ARNT2: variants seen among roughly 807,000 people sequenced by gnomAD.
ARNT2 encodes ARNT protein 2.
Under a neutral mutation model 91.7 loss-of-function variants are expected in ARNT2, and 36 were observed. The observed-to-expected ratio is 0.39, with a 90% CI of 0.30 to 0.52. The LOEUF is 0.52. ARNT2 is among the 20% of genes least tolerant of loss of function. ARNT2 has a pLI of 0.72. For missense variants in ARNT2, 775 were observed against 939.3 expected, an observed-to-expected ratio of 0.83 and a Z score of 2.29; for synonymous variants, 365 against 347.1, an observed-to-expected ratio of 1.05 and a Z score of -0.57.
At chr15:80,511,382 G>T (rs1419395693) in intron 6 of ARNT2, among the ~76,000 whole-genome samples, 1 of 152,144 alleles carries the variant, frequency 6.6e-6, no homozygotes, top group African/African-American at 2.4e-5. Flanking sequence ...TCAGAGGGTG[G>T]AGGGTGGGAG....
At chr15:80,514,905 CA>C (rs1897408959) in intron 8 of ARNT2, among the ~76,000 whole-genome samples, 1 of 151,850 alleles carries the variant, frequency 6.6e-6, no homozygotes, top group South Asian at 2.1e-4. Context: ...AACAAACAAA[CA>C]AAAAACAAAA....
intron 11 of ARNT2, among the ~76,000 whole-genome samples, chr15:80,561,507 T>C (rs1323778210): frequency 6.6e-6 from 1 of 152,236 alleles, no homozygotes; most frequent in Non-Finnish European, 1.5e-5. Flanking sequence ...TGGTTTGCTG[T>C]GTGTGCATAC....
intron 8 of ARNT2, among the ~76,000 whole-genome samples, chr15:80,524,986 T>C (rs1897617285): frequency 1.3e-5 from 2 of 152,222 alleles, no homozygotes; most frequent in South Asian, 4.1e-4. Context: ...GAATCAAGTG[T>C]ATCTATGCGT....
intron 16 of ARNT2, 69 bp from the exon 17 acceptor site, chr15:80,581,169 TG>T (rs768184284): frequency 6.3e-7 from 1 of 1,576,402 alleles, no homozygotes; most frequent in Non-Finnish European, 8.7e-7. Context: ...GCGACCAGCC[TG>T]GGGCATCGGT....
chr15:80,484,833 T>C (rs1165812762), intron 5 of ARNT2, among the ~76,000 whole-genome samples: 1 of 151,916 alleles, frequency 6.6e-6, no homozygotes, highest in East Asian at 1.9e-4. Context: ...TGCATAGGGG[T>C]GTAGGGAGGC....
At chr15:80,555,285 T>C in intron 11 of ARNT2, 146 bp downstream of exon 11, 1 of 730,136 alleles carries the variant, frequency 1.4e-6, no homozygotes, top group South Asian at 1.7e-5. Context: ...AGGAAGTCAC[T>C]CACAGTCTAG....
chr15:80,572,282 ATG>A (rs1291385120), intron 12 of ARNT2, among the ~76,000 whole-genome samples: 3 of 152,006 alleles, frequency 2.0e-5, no homozygotes, highest in Admixed American at 2.0e-4. Flanking sequence ...CTTCTCCTGG[ATG>A]GGGGCCTCCA....
chr15:80,475,138 T>C lies in ARNT2; in HGVS notation c.537T>C (p.Phe179=). 6.2e-7 allele frequency: 1 copy of C among 1,614,230 alleles called. No individual in the cohort carries two copies. The highest frequency in any genetic ancestry group is 8.5e-7 in the Non-Finnish European group (1 of 1,180,040). ...PVLNQPQSEW[F]GSTLYEQVHP... ...TGAACCAGCCCCAGTCAGAGTGGTTTGGGAGCACACTGTATGAACAGGTGC... is the reference window on the plus strand; with the variant it reads ...TGAACCAGCCCCAGTCAGAGTGGTTCGGGAGCACACTGTATGAACAGGTGC... The change falls in exon 5 of 19, where the codon TTT becomes TTC. Residue 179 remains phenylalanine (F), a synonymous_variant. Coordinates refer to ENST00000303329, the MANE Select transcript of ARNT2 (RefSeq NM_014862.4).
chr15:80,568,036 A>G (rs1567003983), intron 12 of ARNT2, among the ~76,000 whole-genome samples: 1 of 152,212 alleles, frequency 6.6e-6, no homozygotes, highest in African/African-American at 2.4e-5. Context: ...AAAGCATCCA[A>G]AAGAAACTTC....
At chr15:80,566,829 G>A (rs759536919) in intron 12 of ARNT2, among the ~76,000 whole-genome samples, 99 of 152,266 alleles carry the variant, frequency 6.5e-4, no homozygotes, top group Non-Finnish European at 1.2e-3. Context: ...TAGTCAAGAC[G>A]TTCTTGGTTG....
At chr15:80,593,312 T>G (rs756705835) in intron 18 of ARNT2, among the ~76,000 whole-genome samples, 7 of 152,304 alleles carry the variant, frequency 4.6e-5, no homozygotes, top group Non-Finnish European at 7.4e-5. Context: ...TCCCCGCCAG[T>G]GGGGTTCTCG....
intron 11 of ARNT2, chr15:80,555,432 G>A: frequency 2.7e-6 from 1 of 370,306 alleles, no homozygotes; most frequent in Non-Finnish European, 5.0e-6. Flanking sequence ...AATTGTTCCA[G>A]GGGAGAGAAT....
At chr15:80,499,929 T>C (rs1398240494) in intron 5 of ARNT2, among the ~76,000 whole-genome samples, 1 of 152,208 alleles carries the variant, frequency 6.6e-6, no homozygotes, top group Non-Finnish European at 1.5e-5. Context: ...TATGCAACTC[T>C]ACTGCCCATT....
At position 80,596,715 on chromosome 15, in the gene ARNT2, A is replaced by G. The variant is rs1893380653; in HGVS notation, c.*3017A>G. 6.3e-6 allele frequency: 1 copy of G among 158,692 alleles called. No individual in the cohort carries two copies. The highest frequency in any genetic ancestry group is 2.4e-5 in the African/African-American group (1 of 41,530). 9.8% of individuals were successfully genotyped at this position (158,692 alleles called of 1,614,324 possible). ...CTCTGTGACTCACTTCCTCGCTCAC[A>G]CCTTGTTTGAACTACTGGACTTTCA... On this transcript the variant is annotated 3_prime_UTR_variant, in exon 19 of 19. Coordinates refer to ENST00000303329, the MANE Select transcript of ARNT2 (RefSeq NM_014862.4).
intron 1 of ARNT2, among the ~76,000 whole-genome samples, chr15:80,410,231 A>G (rs1052260352): frequency 6.6e-6 from 1 of 152,182 alleles, no homozygotes; most frequent in Admixed American, 6.5e-5. Context: ...GCCATGCTGA[A>G]CAACTCCAGG....
chr15:80,521,337 A>T (rs1192693562), intron 8 of ARNT2, among the ~76,000 whole-genome samples: 1 of 152,200 alleles, frequency 6.6e-6, no homozygotes. Context: ...AGCATAAAAA[A>T]TTAAAAATCA....
intron 1 of ARNT2, among the ~76,000 whole-genome samples, chr15:80,431,772 C>G (rs1336278654): frequency 1.3e-5 from 2 of 152,204 alleles, no homozygotes; most frequent in Admixed American, 1.3e-4. Flanking sequence ...CCTACCAGCT[C>G]TCTCCCTTTT....
intron 5 of ARNT2, among the ~76,000 whole-genome samples, chr15:80,500,264 C>T (rs1487524495): frequency 1.3e-5 from 2 of 152,114 alleles, no homozygotes; most frequent in Non-Finnish European, 2.9e-5. Context: ...GAACAGTGAC[C>T]AAAGCATCCT....
At chr15:80,529,984 T>G (rs1315544715) in intron 8 of ARNT2, among the ~76,000 whole-genome samples, 1 of 152,232 alleles carries the variant, frequency 6.6e-6, no homozygotes, top group Non-Finnish European at 1.5e-5. Flanking sequence ...GTAGTTGAAT[T>G]TAGGCTTTTT....
Sources: gnomAD v4.1 joint callset for allele counts (sites outside exome capture counted in the v4.1 genomes callset) on GRCh38, gnomAD v4.1.1 for gene constraint, MANE v1.5 for transcripts, NCBI Gene and HGNC (gene_info 2026-07-23, HGNC 2026-07-21) for gene names.